Variants in PPM1L observed in about 807,000 individuals in gnomAD.
The protein encoded by PPM1L is protein phosphatase, Mg2+/Mn2+ dependent 1L, also known as protein phosphatase 1L.
Under a neutral mutation model 31.4 loss-of-function variants are expected in PPM1L, and 13 were observed. That is an observed-to-expected ratio of 0.41 (90% CI 0.27 to 0.66). The LOEUF is 0.66. PPM1L is among the 30% of genes least tolerant of loss of function. The pLI, the probability that PPM1L is intolerant of heterozygous loss-of-function variation, is 0.29. For synonymous variants in PPM1L, 184 were observed against 175.4 expected, an observed-to-expected ratio of 1.05 and a Z score of -0.39; for missense variants, 326 against 453.7, an observed-to-expected ratio of 0.72 and a Z score of 2.56.
intron 2 of PPM1L, among the ~76,000 whole-genome samples, chr3:161,025,679 T>C (rs976309916): frequency 6.6e-6 from 1 of 152,100 alleles, no homozygotes; most frequent in Non-Finnish European, 1.5e-5. Context: ...TAGAGGCTGG[T>C]GCCTTGATCT....
At chr3:161,045,611 C>T (rs1485059933) in intron 2 of PPM1L, among the ~76,000 whole-genome samples, 1 of 152,186 alleles carries the variant, frequency 6.6e-6, no homozygotes, top group African/African-American at 2.4e-5. Context: ...CTCTTGGACA[C>T]ATTTAAAGCA....
At chr3:160,806,702 C>T (rs865977794) in intron 1 of PPM1L, among the ~76,000 whole-genome samples, 21 of 150,242 alleles carry the variant, frequency 1.4e-4, no homozygotes, top group South Asian at 2.1e-4. Context: ...GCTCAGAATT[C>T]GAATGTAGCC....
chr3:160,938,969 A>G (rs775043477), intron 1 of PPM1L, among the ~76,000 whole-genome samples: 1 of 152,240 alleles, frequency 6.6e-6, no homozygotes, highest in Non-Finnish European at 1.5e-5. Flanking sequence ...TTATTAGAGC[A>G]GCTCCAAGGC....
At chr3:161,023,184 C>T (rs1718287661) in intron 2 of PPM1L, among the ~76,000 whole-genome samples, 1 of 148,614 alleles carries the variant, frequency 6.7e-6, no homozygotes, top group Non-Finnish European at 1.5e-5. Flanking sequence ...TGGCTTTTAA[C>T]AGTTTGATTG....
chr3:160,791,087 C>T (rs993886596), intron 1 of PPM1L, among the ~76,000 whole-genome samples: 6 of 152,042 alleles, frequency 3.9e-5, no homozygotes, highest in Admixed American at 6.6e-5. Flanking sequence ...GTGCCAAACT[C>T]GATTAGCACT....
In PPM1L at chr3:160,855,072, A is replaced by G. The variant is rs144120292; in HGVS notation, c.399+98365A>G. Among the ~76,000 whole-genome samples the G allele has an allele frequency of 7.6e-4, 115 of 152,260 alleles. 2 individuals are homozygous for G. In the East Asian group the frequency reaches 0.02, roughly 27 times the overall value. On this transcript the variant is annotated intron_variant, in intron 1 of 3. Transcript: ENST00000498165. ...TAGAGAACCCAGAAAAAAAAGCTGC[A>G]TACCTACAACCATATGATCTTCGAC... is the stretch of plus-strand genomic sequence containing the variant.
chr3:160,920,243 C>T (rs1714341024), intron 1 of PPM1L, among the ~76,000 whole-genome samples: 1 of 152,178 alleles, frequency 6.6e-6, no homozygotes, highest in Admixed American at 6.5e-5. Context: ...GTACCCTGCT[C>T]AGAAGTCTGC....
At chr3:160,902,395 T>A (rs1220978982) in intron 1 of PPM1L, among the ~76,000 whole-genome samples, 1 of 152,132 alleles carries the variant, frequency 6.6e-6, no homozygotes, top group African/African-American at 2.4e-5. Flanking sequence ...CATTTAGAAA[T>A]CATCTTATGT....
At chr3:160,854,177 C>T (rs1300297667) in intron 1 of PPM1L, among the ~76,000 whole-genome samples, 3 of 152,066 alleles carry the variant, frequency 2.0e-5, no homozygotes, top group Non-Finnish European at 2.9e-5. Flanking sequence ...TCATGTGGTT[C>T]AGTTTGTTTT....
At chr3:160,952,812 G>A (rs1715616552) in intron 1 of PPM1L, among the ~76,000 whole-genome samples, 1 of 152,116 alleles carries the variant, frequency 6.6e-6, no homozygotes, top group African/African-American at 2.4e-5. Context: ...AGCCCTGTGT[G>A]TTTTTTAGGC....
intron 1 of PPM1L, among the ~76,000 whole-genome samples, chr3:160,820,744 A>T (rs984725109): frequency 4.6e-5 from 7 of 152,098 alleles, no homozygotes; most frequent in African/African-American, 1.7e-4. Flanking sequence ...GCTGTCCATT[A>T]TGTGAATATA....
At chr3:160,867,148 C>G (rs1207740175) in intron 1 of PPM1L, among the ~76,000 whole-genome samples, 5 of 152,106 alleles carry the variant, frequency 3.3e-5, no homozygotes, top group African/African-American at 1.2e-4. Flanking sequence ...TATCTTACAA[C>G]TTTTAAAAGA....
chr3:160,941,516 C>T (rs565302138), intron 1 of PPM1L, among the ~76,000 whole-genome samples: 5 of 152,122 alleles, frequency 3.3e-5, no homozygotes, highest in Non-Finnish European at 5.9e-5. Context: ...GAATAAGTCT[C>T]ACGAGACCTG....
At chr3:161,023,015 C>T (rs1426485129) in intron 2 of PPM1L, among the ~76,000 whole-genome samples, 2 of 152,100 alleles carry the variant, frequency 1.3e-5, no homozygotes, top group African/African-American at 4.8e-5. Context: ...TCTTTGTTGA[C>T]ACTCTTTTCA....
chr3:160,825,732 A>T (rs1480065339), intron 1 of PPM1L, among the ~76,000 whole-genome samples: 1 of 152,116 alleles, frequency 6.6e-6, no homozygotes, highest in Non-Finnish European at 1.5e-5. Context: ...AGATTTGACA[A>T]TTTTTTTGAG....
Position 160,756,818 on chromosome 3 carries a change from C to T in PPM1L, c.399+111C>T, listed in dbSNP as rs551671315. Reference sequence around the variant, plus strand: ...AAACAACAGGACAGCGTGTGCGCAGCGGGAGAGGATCTGGGTGCGAGGGGC... The same window carrying T: ...AAACAACAGGACAGCGTGTGCGCAGTGGGAGAGGATCTGGGTGCGAGGGGC... On this transcript the variant is annotated intron_variant, in intron 1 of 3. Transcript: ENST00000498165. The surrounding 1 kb of genome is among the most constrained non-coding windows in gnomAD (Gnocchi z 6.2). 7.5e-6 allele frequency: 9 copies of T among 1,207,904 alleles called. No individual in the cohort carries two copies. In the Admixed American group the frequency reaches 2.0e-4, roughly 27 times the overall value. 74.8% of individuals were successfully genotyped at this position (1,207,904 alleles called of 1,614,324 possible). A position where few individuals can be genotyped will look rare whatever the true frequency, so the allele number is the denominator to read the frequency against.
rs550641435 is a variant in PPM1L, at chr3:161,070,307, G to A, written c.*1150G>A. 6.6e-6 allele frequency: 1 copy of A among 152,216 alleles called. No individual in the cohort carries two copies. Among genetic ancestry groups the A allele is most frequent in the African/African-American group, 2.4e-5 (1 of 41,452 alleles). 9.4% of individuals were successfully genotyped at this position (152,216 alleles called of 1,614,324 possible). A position where few individuals can be genotyped will look rare whatever the true frequency, so the allele number is the denominator to read the frequency against. On this transcript the variant is annotated 3_prime_UTR_variant, in exon 4 of 4. Coordinates refer to ENST00000498165, the MANE Select transcript of PPM1L (RefSeq NM_139245.4). ...ATTTGGTGGGAAACTACTGGGATAA[G>A]CTTCTCCTTGACAATGGAAAGGCAG...
At position 160,944,836 on chromosome 3, in the gene PPM1L, ATATG is replaced by A. The variant is rs1295083761; in HGVS notation, c.400-16898_400-16895del. ...CATATATATGTTATATATAACATAT[ATATG>A]TTATATATAACATATATTATATATA... is the stretch of plus-strand genomic sequence containing the variant. On this transcript the variant is annotated intron_variant, in intron 1 of 3. Transcript: ENST00000498165. Among the ~76,000 whole-genome samples the A allele has an allele frequency of 1.6e-4, 8 of 49,912 alleles. 2 individuals are homozygous for A. Among genetic ancestry groups the A allele is most frequent in the East Asian group, 5.8e-4 (2 of 3,454 alleles). The allele number at this position is 49,912 out of a possible 152,430, so 32.7% of individuals were successfully genotyped here.
intron 2 of PPM1L, among the ~76,000 whole-genome samples, chr3:161,060,304 T>A (rs1027195536): frequency 6.6e-6 from 1 of 151,870 alleles, no homozygotes; most frequent in African/African-American, 2.4e-5. Context: ...AGCCCAAAGA[T>A]GACAAAAAGG....
Sources: allele counts gnomAD v4.1 joint callset (sites outside exome capture counted in the v4.1 genomes callset), GRCh38; gene constraint gnomAD v4.1.1; non-coding constraint Gnocchi (gnomAD v3.1); transcripts MANE v1.5; gene names NCBI Gene and HGNC (gene_info 2026-07-23, HGNC 2026-07-21).